The following NPTN variants were observed in gnomAD, a reference collection of about 807,000 sequenced individuals.
The protein encoded by NPTN is neuroplastin, also known as SDR-1.
In NPTN, 5 loss-of-function variants were observed where a neutral mutation model predicts 42.7. The observed-to-expected ratio is 0.12, with a 90% CI of 0.06 to 0.25. NPTN has a LOEUF of 0.25. Ranked by LOEUF, NPTN falls within the 10% of genes least tolerant of loss-of-function variation. The pLI is 1.00. For missense variants in NPTN, 307 were observed against 525.4 expected (o/e 0.58, Z 4.06); for synonymous variants, 180 against 201.9 (o/e 0.89, Z 0.92).
intron 1 of NPTN, among the ~76,000 whole-genome samples, chr15:73,616,251 T>G (rs1897856777): frequency 1.3e-5 from 2 of 152,128 alleles, no homozygotes; most frequent in Non-Finnish European, 1.5e-5. Flanking sequence ...GCAAAAACTT[T>G]AAAAGTAGGT....
intron 1 of NPTN, among the ~76,000 whole-genome samples, chr15:73,620,941 ATTAGAGT>A (rs1260854605): frequency 3.3e-5 from 5 of 152,254 alleles, no homozygotes; most frequent in Non-Finnish European, 7.3e-5. Flanking sequence ...ACATTGTATT[ATTAGAGT>A]TACTTACCCT....
intron 2 of NPTN, 135 bp from the exon 3 acceptor site, chr15:73,592,272 T>C: frequency 1.5e-6 from 1 of 646,808 alleles, no homozygotes; most frequent in South Asian, 2.6e-5. Context: ...GGAATTTCAC[T>C]TTACCACTTT....
intron 1 of NPTN, among the ~76,000 whole-genome samples, chr15:73,611,389 A>G (rs559328833): frequency 3.0e-4 from 45 of 152,292 alleles, no homozygotes; most frequent in African/African-American, 9.6e-4. Flanking sequence ...ATACTATTCA[A>G]TGCAAAAACA....
rs750676855 is a variant in NPTN, at chr15:73,597,330, G to T, written c.131C>A (p.Thr44Lys). 15 of 1,613,482 alleles carry T rather than the reference G, an allele frequency of 9.3e-6. No individual in the cohort carries two copies. Among genetic ancestry groups the T allele is most frequent in the Non-Finnish European group, 1.2e-5 (14 of 1,179,880 alleles). The change falls in exon 2 of 9, where the codon ACG (threonine) becomes AAG (lysine). Residue 44 changes from threonine to lysine, a missense_variant. Physicochemically the swap from Thr to Lys is moderately conservative, Grantham distance 78. Coordinates refer to ENST00000345330, the MANE Select transcript of NPTN (RefSeq NM_012428.4). The surrounding 1 kb of genome is among the most constrained non-coding windows in gnomAD (Gnocchi z 6.3). ...ACAGTACAGCTCAAAGGCGTCCCCC[G>T]TGAGCTTAGTTTCTGACATGGGCGA... is the stretch of plus-strand genomic sequence containing the variant. ...VKSPMSETKL[T>K]GDAFELYCDV...
chr15:73,608,649 A>C (rs1442540718), intron 1 of NPTN, among the ~76,000 whole-genome samples: 2 of 138,948 alleles, frequency 1.4e-5, no homozygotes, highest in Non-Finnish European at 3.1e-5. Flanking sequence ...TTTCCATAGA[A>C]CAAGGGGTAT....
At chr15:73,628,702 T>A (rs989650110) in intron 1 of NPTN, among the ~76,000 whole-genome samples, 1 of 152,170 alleles carries the variant, frequency 6.6e-6, no homozygotes, top group African/African-American at 2.4e-5. Flanking sequence ...GACAGAGCAC[T>A]TTTCTAATTA....
intron 4 of NPTN, among the ~76,000 whole-genome samples, chr15:73,576,621 G>A (rs144254350): frequency 0.045 from 6,849 of 152,150 alleles, 248 homozygotes; most frequent in South Asian, 0.097. Context: ...GAGCCACTGC[G>A]CCTGGCTAAG....
chr15:73,568,957 G>A, intron 6 of NPTN: 2 of 985,482 alleles, frequency 2.0e-6, no homozygotes, highest in Non-Finnish European at 1.2e-6. Flanking sequence ...ATGCCTCTGG[G>A]GCCACATTCT....
At chr15:73,606,206 A>C (rs1897288676) in intron 1 of NPTN, among the ~76,000 whole-genome samples, 1 of 152,224 alleles carries the variant, frequency 6.6e-6, no homozygotes, top group African/African-American at 2.4e-5. Context: ...ACTCTTGAGC[A>C]GTCAGATCCA....
intron 6 of NPTN, among the ~76,000 whole-genome samples, chr15:73,563,967 G>A (rs142579630): frequency 6.6e-6 from 1 of 152,288 alleles, no homozygotes; most frequent in Non-Finnish European, 1.5e-5. Flanking sequence ...TCACTCCTGT[G>A]CCCTGGCCAA....
intron 1 of NPTN, among the ~76,000 whole-genome samples, chr15:73,611,508 G>C (rs1474179389): frequency 1.3e-5 from 2 of 152,084 alleles, no homozygotes; most frequent in African/African-American, 4.8e-5. Flanking sequence ...AGGGTACACA[G>C]TATGATTCCA....
intron 1 of NPTN, among the ~76,000 whole-genome samples, chr15:73,602,134 A>G (rs951225512): frequency 6.6e-6 from 1 of 151,338 alleles, no homozygotes; most frequent in African/African-American, 2.4e-5. Context: ...GCCTAGCCCT[A>G]TATAGGAGAG....
intron 1 of NPTN, among the ~76,000 whole-genome samples, chr15:73,627,923 C>T (rs922071096): frequency 1.3e-5 from 2 of 151,746 alleles, no homozygotes; most frequent in African/African-American, 4.8e-5. Context: ...AAATATGTAA[C>T]CATTTATAAC....
chr15:73,583,391 G>A (rs1051959336), intron 4 of NPTN, among the ~76,000 whole-genome samples: 1 of 152,086 alleles, frequency 6.6e-6, no homozygotes, highest in African/African-American at 2.4e-5. Flanking sequence ...GTGACACTGG[G>A]CCAGTTATTC....
rs530968014 is a variant in NPTN at position 73,622,170 on chromosome 15, C to A, written c.91+10955G>T. Among the ~76,000 whole-genome samples, 320 of 151,992 alleles carry A rather than the reference C, an allele frequency of 2.1e-3. 2 individuals carry two copies. The highest frequency in any genetic ancestry group is 0.01 in the Middle Eastern group (3 of 294). On this transcript the variant is annotated intron_variant, in intron 1 of 8. Coordinates refer to ENST00000345330, the MANE Select transcript of NPTN (RefSeq NM_012428.4). Reference sequence around the variant, plus strand: ...CATCTCTGAAAACAAACAAAAAAAACCAAACAAAAAAACAAAGTAATCACA... The same window carrying A: ...CATCTCTGAAAACAAACAAAAAAAAACAAACAAAAAAACAAAGTAATCACA...
intron 1 of NPTN, among the ~76,000 whole-genome samples, chr15:73,627,372 T>A (rs1326947361): frequency 6.6e-6 from 1 of 152,254 alleles, no homozygotes. Context: ...TACCATTTAG[T>A]GCTTTTTAGT....
intron 4 of NPTN, among the ~76,000 whole-genome samples, chr15:73,580,550 G>GT (rs1290632035): frequency 1.3e-4 from 18 of 134,894 alleles, no homozygotes; most frequent in African/African-American, 4.2e-4. Context: ...TGTTATATAT[G>GT]TATATATGTA....
chr15:73,563,193 TTCAA>T, intron 7 of NPTN, 39 bp downstream of exon 7: 1 of 1,331,518 alleles, frequency 7.5e-7, no homozygotes, highest in South Asian at 1.2e-5. Context: ...CACAACATCA[TTCAA>T]TCAGATACTG....
At chr15:73,622,706 T>C (rs1898195907) in intron 1 of NPTN, among the ~76,000 whole-genome samples, 1 of 152,196 alleles carries the variant, frequency 6.6e-6, no homozygotes, top group South Asian at 2.1e-4. Context: ...CAACATGATT[T>C]TGTCCATATT....
Sources: gnomAD v4.1 joint callset for allele counts (sites outside exome capture counted in the v4.1 genomes callset) on GRCh38, gnomAD v4.1.1 for gene constraint, Gnocchi (gnomAD v3.1) non-coding constraint, MANE v1.5 for transcripts, NCBI Gene and HGNC (gene_info 2026-07-23, HGNC 2026-07-21) for gene names.